The following PIK3CB variants were observed in gnomAD, a reference collection of about 807,000 sequenced individuals.
The protein encoded by PIK3CB is phosphatidylinositol 4,5-bisphosphate 3-kinase catalytic subunit beta isoform.
A neutral mutation model predicts 136.8 loss-of-function variants in PIK3CB; 39 were observed. That is an observed-to-expected ratio of 0.29 (90% CI 0.22 to 0.37). The LOEUF (loss-of-function observed/expected upper bound fraction) is 0.37, where lower values mean the gene tolerates loss of function less well. PIK3CB is among the 10% of genes least tolerant of loss of function. The pLI, the probability that PIK3CB is intolerant of heterozygous loss-of-function variation, is 1.00. For missense variants in PIK3CB, 868 were observed against 1,275.4 expected (o/e 0.68, Z 4.87); for synonymous variants, 428 against 436.6 (o/e 0.98, Z 0.25).
intron 13 of PIK3CB, among the ~76,000 whole-genome samples, chr3:138,697,790 G>A (rs1277470609): frequency 3.3e-5 from 5 of 151,998 alleles, no homozygotes; most frequent in Non-Finnish European, 7.4e-5. Flanking sequence ...AGGGTAGAGT[G>A]CAATGGCATT....
At chr3:138,709,350 T>C (rs1406144914) in intron 10 of PIK3CB, among the ~76,000 whole-genome samples, 1 of 151,460 alleles carries the variant, frequency 6.6e-6, no homozygotes, top group African/African-American at 2.4e-5. Context: ...TCTACATAGA[T>C]ACGTAGAGAA....
chr3:138,819,727 C>T (rs887374612), intron 1 of PIK3CB, among the ~76,000 whole-genome samples: 3 of 152,136 alleles, frequency 2.0e-5, no homozygotes, highest in Non-Finnish European at 4.4e-5. Context: ...GTAATCCCAA[C>T]GCTTTAGGAG....
In PIK3CB at chr3:138,681,041, G is replaced by GTTTT. The variant is rs533702208; in HGVS notation, c.2504+922_2504+925dup. ...ATTGGAACTGACAATTTTCATGTTA[G>GTTTT]TTTTTTTTTTGTTTTTTTTTTTTGA... On this transcript the variant is annotated intron_variant, in intron 19 of 23. Coordinates refer to ENST00000674063, the MANE Select transcript of PIK3CB (RefSeq NM_006219.3). Among the ~76,000 whole-genome samples the GTTTT allele has an allele frequency of 5.3e-4, 67 of 127,328 alleles. 3 individuals are homozygous for GTTTT. The highest frequency in any genetic ancestry group is 1.3e-3 in the East Asian group (5 of 3,842). 83.5% of individuals were successfully genotyped at this position (127,328 alleles called of 152,430 possible). A position where few individuals can be genotyped will look rare whatever the true frequency, so the allele number is the denominator to read the frequency against.
chr3:138,699,992 C>T (rs1172485027), intron 12 of PIK3CB, among the ~76,000 whole-genome samples: 3 of 151,720 alleles, frequency 2.0e-5, no homozygotes, highest in South Asian at 2.1e-4. Context: ...GCTTGAGCCC[C>T]GGAGTTCAAG....
At chr3:138,814,912 C>T (rs999267599) in intron 1 of PIK3CB, among the ~76,000 whole-genome samples, 2 of 151,698 alleles carry the variant, frequency 1.3e-5, no homozygotes, top group Non-Finnish European at 2.9e-5. Context: ...CCAAGGCAGG[C>T]GGATCATGAG....
intron 2 of PIK3CB, chr3:138,778,356 T>C: frequency 3.1e-6 from 1 of 319,850 alleles, no homozygotes; most frequent in South Asian, 2.5e-5. Context: ...ACCTCATCCA[T>C]GCTACTATCA....
chr3:138,744,031 T>C (rs565487404), intron 4 of PIK3CB, among the ~76,000 whole-genome samples: 1 of 151,962 alleles, frequency 6.6e-6, no homozygotes, highest in Non-Finnish European at 1.5e-5. Context: ...ACTCTTCTGA[T>C]TAGAAAAAAA....
intron 19 of PIK3CB, among the ~76,000 whole-genome samples, chr3:138,679,705 C>A (rs1438758897): frequency 6.6e-6 from 1 of 151,104 alleles, no homozygotes; most frequent in Non-Finnish European, 1.5e-5. Context: ...CTCCTCAGCT[C>A]CCAAGTAGCT....
At chr3:138,666,911 A>G (rs552646475) in intron 19 of PIK3CB, among the ~76,000 whole-genome samples, 1 of 152,284 alleles carries the variant, frequency 6.6e-6, no homozygotes, top group African/African-American at 2.4e-5. Flanking sequence ...GAGTCAAAAA[A>G]GACTTCCTGG....
intron 4 of PIK3CB, among the ~76,000 whole-genome samples, chr3:138,750,206 T>C (rs2045442349): frequency 3.3e-5 from 5 of 152,172 alleles, no homozygotes; most frequent in Admixed American, 2.6e-4. Flanking sequence ...CATGTATACA[T>C]TGTGGAATGA....
intron 12 of PIK3CB, among the ~76,000 whole-genome samples, chr3:138,701,142 C>A (rs1184894713): frequency 6.7e-6 from 1 of 150,268 alleles, no homozygotes; most frequent in African/African-American, 2.5e-5. Context: ...AAACATCAGG[C>A]AAATCCAAAC....
intron 4 of PIK3CB, among the ~76,000 whole-genome samples, chr3:138,748,685 A>T (rs1032017279): frequency 1.3e-5 from 2 of 152,216 alleles, no homozygotes; most frequent in African/African-American, 4.8e-5. Flanking sequence ...AGGGCACCAG[A>T]TATTTTTTAA....
intron 19 of PIK3CB, among the ~76,000 whole-genome samples, chr3:138,666,404 C>T (rs1279262747): frequency 2.6e-5 from 4 of 152,064 alleles, no homozygotes; most frequent in African/African-American, 9.7e-5. Flanking sequence ...TAACTCCTGG[C>T]TTCAAGTGAT....
In PIK3CB at chr3:138,805,012, G is replaced by A. The variant is rs191813490; in HGVS notation, c.-121-8445C>T. Among the ~76,000 whole-genome samples, 561 of 150,710 alleles carry A rather than the reference G, an allele frequency of 3.7e-3. 3 individuals carry two copies. The highest frequency in any genetic ancestry group is 0.013 in the African/African-American group (528 of 40,968). On this transcript the variant is annotated intron_variant, in intron 1 of 23. Coordinates refer to ENST00000674063, the MANE Select transcript of PIK3CB (RefSeq NM_006219.3). ...TGCACTCCAGCCTGGGTGACACAGC[G>A]AGACTCCATCTCAAAAAAAGAAAAA...
rs1368275783 is a variant in PIK3CB, at chr3:138,665,122, G to A, written c.2586C>T (p.Asp862=). The A allele has an allele frequency of 1.2e-6, 2 of 1,613,316 alleles. No homozygotes were observed. The highest frequency in any genetic ancestry group is 2.7e-5 in the African/African-American group (2 of 74,898). Residue 862 remains aspartate (D), a synonymous_variant, in exon 20 of 24, where the codon GAC becomes GAT. Transcript: ENST00000674063. ...EVVSTSETIA[D]IQLNSSNVAA... is the part of the protein sequence containing the mutation. ...CCACATTGCTACTGTTCAGCTGAAT[G>A]TCAGCAATTGTTTCAGAGGTGCTCA... is the stretch of plus-strand genomic sequence containing the variant.
At chr3:138,679,061 G>A (rs962269648) in intron 19 of PIK3CB, among the ~76,000 whole-genome samples, 1 of 151,844 alleles carries the variant, frequency 6.6e-6, no homozygotes, top group African/African-American at 2.4e-5. Context: ...GTAAGACTCT[G>A]ACTCAAAAAA....
At chr3:138,816,790 A>G (rs1327452937) in intron 1 of PIK3CB, among the ~76,000 whole-genome samples, 2 of 152,184 alleles carry the variant, frequency 1.3e-5, no homozygotes, top group Non-Finnish European at 2.9e-5. Context: ...ATGATGTACC[A>G]TATTAGGACC....
At chr3:138,798,186 A>G (rs2046129738) in intron 1 of PIK3CB, among the ~76,000 whole-genome samples, 4 of 151,988 alleles carry the variant, frequency 2.6e-5, no homozygotes, top group Admixed American at 2.6e-4. Flanking sequence ...TTTGTTTTTG[A>G]GACAGTCTTA....
At chr3:138,762,632 G>A (rs961836712) in intron 2 of PIK3CB, among the ~76,000 whole-genome samples, 2 of 152,190 alleles carry the variant, frequency 1.3e-5, no homozygotes, top group East Asian at 3.8e-4. Context: ...AGTATTTGCT[G>A]AATGAAAACA....
Sources: allele counts gnomAD v4.1 joint callset (sites outside exome capture counted in the v4.1 genomes callset), GRCh38; gene constraint gnomAD v4.1.1; transcripts MANE v1.5; gene names NCBI Gene and HGNC (gene_info 2026-07-23, HGNC 2026-07-21).